Variants in KBTBD8 observed in about 807,000 individuals in gnomAD.
The protein encoded by KBTBD8 is kelch repeat and BTB domain containing 8.
A neutral mutation model predicts 53.5 loss-of-function variants in KBTBD8; 31 were observed. The observed-to-expected ratio is 0.58, with a 90% confidence interval of 0.44 to 0.78. KBTBD8 has a LOEUF of 0.78. KBTBD8 is among the 30% of genes least tolerant of loss of function. The pLI is 0.00. For synonymous variants in KBTBD8, 250 were observed against 247.3 expected (o/e 1.01, Z -0.10); for missense variants, 642 against 735.8 (o/e 0.87, Z 1.48).
Position 66,998,997 on chromosome 3 carries a change from C to T in KBTBD8, c.33C>T (p.Ser11=). The T allele has an allele frequency of 1.2e-6, 2 of 1,607,948 alleles. No homozygotes were observed. Among genetic ancestry groups the T allele is most frequent in the Non-Finnish European group, 1.7e-6 (2 of 1,176,864 alleles). The part of the protein sequence containing the change: MAASADLSKS[S]PTPNGIPSSD... ...TCCTCCTAGATTTAAGTAAGTCTTC[C>T]CCAACACCGAATGGGATTCCATCTT... Residue 11 remains serine (S), a synonymous_variant, in exon 2 of 4, where the codon TCC becomes TCT. Coordinates refer to ENST00000417314, the MANE Select transcript of KBTBD8 (RefSeq NM_032505.3).
chr3:66,999,165 T>G lies in KBTBD8; in HGVS notation c.201T>G (p.Val67=). 2 of 1,614,192 alleles carry G rather than the reference T, an allele frequency of 1.2e-6. No individual in the cohort carries two copies. The highest frequency in any genetic ancestry group is 8.5e-7 in the Non-Finnish European group (1 of 1,180,012). ...AAACATTTTCCTGTCATAGAAACGT[T>G]CTTGCTGCAATCAGCCCTTACTTCA... The part of the protein sequence containing the change: ...HGKTFSCHRN[V]LAAISPYFRS... The change falls in exon 2 of 4, where the codon GTT becomes GTG. Residue 67 remains valine (V), a synonymous_variant. Coordinates refer to ENST00000417314, the MANE Select transcript of KBTBD8 (RefSeq NM_032505.3).
chr3:67,001,143 T>G (rs1443050567), intron 2 of KBTBD8, among the ~76,000 whole-genome samples: 2 of 152,200 alleles, frequency 1.3e-5, no homozygotes, highest in African/African-American at 2.4e-5. Flanking sequence ...GGATACGATA[T>G]GTGCATTGAA....
chr3:67,007,903 TTC>T lies in KBTBD8; in HGVS notation c.1343-17_1343-16del, dbSNP rs1408674846. 6 of 1,410,032 alleles carry T rather than the reference TTC, an allele frequency of 4.3e-6. No individual in the cohort carries two copies. The highest frequency in any genetic ancestry group is 5.8e-6 in the Non-Finnish European group (6 of 1,042,654). 87.3% of individuals were successfully genotyped at this position (1,410,032 alleles called of 1,614,324 possible). A position where few individuals can be genotyped will look rare whatever the true frequency, so the allele number is the denominator to read the frequency against. On this transcript the variant is annotated splice_polypyrimidine_tract_variant and intron_variant, in intron 3 of 3. Transcript: ENST00000417314. ...ACATAAAAATTTACATATTCTTGTT[TTC>T]TTTTTTTTTTTTTTAGGAGAATTTT...
intron 2 of KBTBD8, among the ~76,000 whole-genome samples, chr3:67,000,912 A>G (rs1373394227): frequency 6.6e-6 from 1 of 151,992 alleles, no homozygotes; most frequent in Non-Finnish European, 1.5e-5. Flanking sequence ...CTTATTAAGT[A>G]TAATACTTAG....
At chr3:66,998,787 C>G in intron 1 of KBTBD8, 194 bp from the exon 2 acceptor site, 1 of 608,340 alleles carries the variant, frequency 1.6e-6, no homozygotes, top group South Asian at 2.0e-5. Flanking sequence ...GAACTTGTTC[C>G]GCCGATCGCG....
Position 67,004,216 on chromosome 3 carries a change from AGAG to A in KBTBD8, c.1250_1252del (p.Arg417_Glu418delinsLys). 6.2e-7 allele frequency: 1 copy of A among 1,614,202 alleles called. No individual in the cohort carries two copies. Among genetic ancestry groups the A allele is most frequent in the Non-Finnish European group, 8.5e-7 (1 of 1,180,008 alleles). On this transcript the variant is annotated inframe_deletion, in exon 3 of 4. Coordinates refer to ENST00000417314, the MANE Select transcript of KBTBD8 (RefSeq NM_032505.3). ...AAAATCTGTTGAGTGCTACGACAGT[AGAG>A]AGAATTGTTGGACGACTGTTTGCGC...
rs150789041 is a variant in KBTBD8 at position 67,010,973 on chromosome 3, T to G, written c.*2588T>G. ...GTTCTACAAAGTTGATGCTTAAGCATCAAGCTGATTTTATTGGTCATGAGA... is the reference window on the plus strand; with the variant it reads ...GTTCTACAAAGTTGATGCTTAAGCAGCAAGCTGATTTTATTGGTCATGAGA... On this transcript the variant is annotated 3_prime_UTR_variant, in exon 4 of 4. Coordinates refer to ENST00000417314, the MANE Select transcript of KBTBD8 (RefSeq NM_032505.3). The G allele has an allele frequency of 1.3e-5, 2 of 152,746 alleles. No individual in the cohort carries two copies. The highest frequency in any genetic ancestry group is 3.9e-4 in the East Asian group (2 of 5,188). 9.5% of individuals were successfully genotyped at this position (152,746 alleles called of 1,614,324 possible).
chr3:67,003,370 A>G lies in KBTBD8; in HGVS notation c.403A>G (p.Ile135Val), dbSNP rs571435392. Residue 135 changes from isoleucine to valine, a missense_variant, in exon 3 of 4, where the codon ATC (isoleucine) becomes GTC (valine). Transcript: ENST00000417314. The part of the protein sequence containing the change: ...TAASIFQIPS[I>V]QDQCAKYMIS... ...AGCTAGCATCTTCCAGATTCCTTCCATCCAAGACCAATGTGCTAAGTATAT... is the reference window on the plus strand; with the variant it reads ...AGCTAGCATCTTCCAGATTCCTTCCGTCCAAGACCAATGTGCTAAGTATAT... 3.7e-6 allele frequency: 6 copies of G among 1,614,078 alleles called. No individual in the cohort carries two copies. The highest frequency in any genetic ancestry group is 1.1e-5 in the South Asian group (1 of 91,088).
rs1702094412 is a variant in KBTBD8 at position 67,008,987 on chromosome 3, A to G, written c.*602A>G. 6.6e-6 allele frequency: 1 copy of G among 152,642 alleles called. No individual in the cohort carries two copies. The highest frequency in any genetic ancestry group is 6.5e-5 in the Admixed American group (1 of 15,280). 9.5% of individuals were successfully genotyped at this position (152,642 alleles called of 1,614,324 possible). On this transcript the variant is annotated 3_prime_UTR_variant, in exon 4 of 4. Transcript: ENST00000417314. ...GTCTGATTGTTTCCATTTCCCATGT[A>G]ATTTTAAGTTAAGCTAAAGTTTTAA... is the stretch of plus-strand genomic sequence containing the variant.
rs1160767266 is a variant in KBTBD8, at chr3:67,009,728, A to T, written c.*1343A>T. On this transcript the variant is annotated 3_prime_UTR_variant, in exon 4 of 4. Transcript: ENST00000417314. ...GAATATTAACATGAAGGATAAACCA[A>T]CTTATTTGTATACCTAAGGCAGGCA... 1.3e-5 allele frequency: 2 copies of T among 152,622 alleles called. No homozygotes were observed. Among genetic ancestry groups the T allele is most frequent in the Non-Finnish European group, 2.9e-5 (2 of 68,012 alleles). The allele number at this position is 152,622 out of a possible 1,614,324, so 9.5% of individuals were successfully genotyped here.
chr3:67,008,251 C>T lies in KBTBD8; in HGVS notation c.1672C>T (p.Leu558Phe). Residue 558 changes from leucine to phenylalanine, a missense_variant, in exon 4 of 4, where the codon CTT (leucine) becomes TTT (phenylalanine). Physicochemically the swap from Leu to Phe is conservative, Grantham distance 22 (BLOSUM62 0). Coordinates refer to ENST00000417314, the MANE Select transcript of KBTBD8 (RefSeq NM_032505.3). ...CTTCAGAACCAGCAGAAAAAATTCC[C>T]TTTACCAATATGATGACATTGCTGA... ...HVFRTSRKNS[L>F]YQYDDIADQW... 6.2e-7 allele frequency: 1 copy of T among 1,614,012 alleles called. No homozygotes were observed. The highest frequency in any genetic ancestry group is 8.5e-7 in the Non-Finnish European group (1 of 1,180,018).
rs1649143560 is a variant in KBTBD8 at position 67,003,685 on chromosome 3, A to G, written c.718A>G (p.Ile240Val). The G allele has an allele frequency of 1.2e-6, 2 of 1,614,190 alleles. No individual in the cohort carries two copies. The highest frequency in any genetic ancestry group is 1.7e-6 in the Non-Finnish European group (2 of 1,180,024). Reference sequence around the variant, plus strand: ...CCTTCCAGAAATTTTTGCTAAATGCATACGTTTTCCTCTGATGGAAGATAC... The same window carrying G: ...CCTTCCAGAAATTTTTGCTAAATGCGTACGTTTTCCTCTGATGGAAGATAC... ...VHLPEIFAKC[I>V]RFPLMEDTFI... is the part of the protein sequence containing the mutation. The change falls in exon 3 of 4, where the codon ATA (isoleucine) becomes GTA (valine). Residue 240 changes from isoleucine to valine, a missense_variant. By Grantham distance (29) the Ile-to-Val change is conservative (BLOSUM62 3). Transcript: ENST00000417314.
In KBTBD8 at chr3:67,003,187, C is replaced by T. The variant is rs1281224743; in HGVS notation, c.228-8C>T. 1.2e-6 allele frequency: 2 copies of T among 1,605,254 alleles called. No individual in the cohort carries two copies. Among genetic ancestry groups the T allele is most frequent in the Non-Finnish European group, 1.7e-6 (2 of 1,172,706 alleles). ...CACGTGTAATATTAACCACTCTTTCCTTCTTAGATCCATGTTCACTAGCGG... is the reference window on the plus strand; with the variant it reads ...CACGTGTAATATTAACCACTCTTTCTTTCTTAGATCCATGTTCACTAGCGG... On this transcript the variant is annotated splice_polypyrimidine_tract_variant and splice_region_variant and intron_variant, in intron 2 of 3. Transcript: ENST00000417314.
intron 2 of KBTBD8, among the ~76,000 whole-genome samples, chr3:67,001,943 A>G: frequency 6.6e-6 from 1 of 152,322 alleles, no homozygotes; most frequent in East Asian, 1.9e-4. Flanking sequence ...GAAACTTTAA[A>G]GGAGCGAAAA....
rs532523781 is a variant in KBTBD8 at position 67,009,830 on chromosome 3, A to G, written c.*1445A>G. On this transcript the variant is annotated 3_prime_UTR_variant, in exon 4 of 4. Transcript: ENST00000417314. ...AAGCATAGGACAGATTTTGCCCTCA[A>G]TCACAATATTTGTATTCACTTGAAA... is the stretch of plus-strand genomic sequence containing the variant. The G allele has an allele frequency of 3.8e-4, 58 of 152,744 alleles. No homozygotes were observed. The highest frequency in any genetic ancestry group is 1.3e-3 in the African/African-American group (53 of 41,598). 9.5% of individuals were successfully genotyped at this position (152,744 alleles called of 1,614,324 possible). A position where few individuals can be genotyped will look rare whatever the true frequency, so the allele number is the denominator to read the frequency against.
Position 67,004,225 on chromosome 3 carries a change from T to C in KBTBD8, c.1258T>C (p.Cys420Arg), listed in dbSNP as rs13096789. The C allele has an allele frequency of 0.13, 212,747 of 1,613,964 alleles. 15,092 individuals carry two copies. Among genetic ancestry groups the C allele is most frequent in the Admixed American group, 0.22 (13,288 of 60,010 alleles). The change falls in exon 3 of 4, where the codon TGT becomes CGT. Residue 420 changes from cysteine to arginine, a missense_variant. Coordinates refer to ENST00000417314, the MANE Select transcript of KBTBD8 (RefSeq NM_032505.3). ...SVECYDSREN[C>R]WTTVCAMPVA... Reference sequence around the variant, plus strand: ...TGAGTGCTACGACAGTAGAGAGAATTGTTGGACGACTGTTTGCGCGATGCC... The same window carrying C: ...TGAGTGCTACGACAGTAGAGAGAATCGTTGGACGACTGTTTGCGCGATGCC...
In KBTBD8 at chr3:67,003,975, C is replaced by G. The variant is rs778073406; in HGVS notation, c.1008C>G (p.Asp336Glu). Residue 336 changes from aspartate (D) to glutamate (E), a missense_variant, in exon 3 of 4, where the codon GAC becomes GAG. Transcript: ENST00000417314. ...GGATTCTTGTATCACCAGATAATGA[C>G]ATTTACATTGCAGGAGGGTACAGGC... Reference protein sequence around the residue: ...EVGILVSPDNDIYIAGGYRPS... With the variant: ...EVGILVSPDNEIYIAGGYRPS... 1 of 1,614,136 alleles carries G rather than the reference C, an allele frequency of 6.2e-7. No individual in the cohort carries two copies.
rs1672086394 is a variant in KBTBD8, at chr3:67,009,742, C to T, written c.*1357C>T. ...AGGATAAACCAACTTATTTGTATAC[C>T]TAAGGCAGGCATTTGGATCAGTAAC... On this transcript the variant is annotated 3_prime_UTR_variant, in exon 4 of 4. Coordinates refer to ENST00000417314, the MANE Select transcript of KBTBD8 (RefSeq NM_032505.3). 1 of 152,472 alleles carries T rather than the reference C, an allele frequency of 6.6e-6. No individual in the cohort carries two copies. The highest frequency in any genetic ancestry group is 2.4e-5 in the African/African-American group (1 of 41,400). The allele number at this position is 152,472 out of a possible 1,614,324, so 9.4% of individuals were successfully genotyped here.
At chr3:67,005,223 T>C (rs1219991219) in intron 3 of KBTBD8, among the ~76,000 whole-genome samples, 1 of 151,858 alleles carries the variant, frequency 6.6e-6, no homozygotes, top group African/African-American at 2.4e-5. Flanking sequence ...ATGTGTCTCT[T>C]AATTGATGTT....
Sources: allele counts gnomAD v4.1 joint callset (sites outside exome capture counted in the v4.1 genomes callset), GRCh38; gene constraint gnomAD v4.1.1; transcripts MANE v1.5; gene names NCBI Gene and HGNC (gene_info 2026-07-23, HGNC 2026-07-21).